The following IKZF3 variants were observed in gnomAD, a reference collection of about 807,000 sequenced individuals.
IKZF3 encodes zinc finger protein Aiolos.
IKZF3 carries 10 observed loss-of-function variants against 49.0 expected under a neutral mutation model. The ratio of observed to expected loss-of-function variants is 0.20; its 90% CI spans 0.13 to 0.35. IKZF3 has a LOEUF of 0.35. IKZF3 is among the 10% of genes least tolerant of loss of function. The pLI, the probability that IKZF3 is intolerant of heterozygous loss-of-function variation, is 1.00. For synonymous variants in IKZF3, 209 were observed against 228.2 expected, an observed-to-expected ratio of 0.92 and a Z score of 0.76; for missense variants, 498 against 664.8, an observed-to-expected ratio of 0.75 and a Z score of 2.76.
intron 3 of IKZF3, among the ~76,000 whole-genome samples, chr17:39,798,533 T>A (rs1382277989): frequency 7.0e-6 from 1 of 143,710 alleles, no homozygotes; most frequent in Non-Finnish European, 1.5e-5. Context: ...TGAGACGGAG[T>A]CTTTCTCTGT....
intron 6 of IKZF3, among the ~76,000 whole-genome samples, chr17:39,783,510 T>A (rs954507283): frequency 6.6e-6 from 1 of 152,128 alleles, no homozygotes; most frequent in Non-Finnish European, 1.5e-5. Context: ...TTAGTAGAGA[T>A]GGGGTTTCAC....
intron 6 of IKZF3, among the ~76,000 whole-genome samples, chr17:39,782,541 T>A (rs1390092928): frequency 6.6e-6 from 1 of 152,198 alleles, no homozygotes; most frequent in Non-Finnish European, 1.5e-5. Context: ...TGGCTTTTGG[T>A]CCTTTTCTCC....
chr17:39,853,291 G>A (rs2062935794), intron 1 of IKZF3, among the ~76,000 whole-genome samples: 1 of 152,112 alleles, frequency 6.6e-6, no homozygotes, highest in South Asian at 2.1e-4. Context: ...GTTTTAGAAC[G>A]AAGAATGAAG....
intron 1 of IKZF3, among the ~76,000 whole-genome samples, chr17:39,853,195 A>G (rs2062930639): frequency 6.6e-6 from 1 of 152,092 alleles, no homozygotes; most frequent in African/African-American, 2.4e-5. Context: ...ACCAAATTCC[A>G]TAAGGGCCAA....
At chr17:39,804,236 C>G (rs2061386489) in intron 3 of IKZF3, among the ~76,000 whole-genome samples, 1 of 152,078 alleles carries the variant, frequency 6.6e-6, no homozygotes, top group East Asian at 1.9e-4. Context: ...TATTTGAGGC[C>G]AGCAGTTCGA....
At chr17:39,850,255 T>C in intron 1 of IKZF3, among the ~76,000 whole-genome samples, 1 of 141,814 alleles carries the variant, frequency 7.1e-6, no homozygotes, top group South Asian at 2.1e-4. Flanking sequence ...ATACAATATA[T>C]AGCATATTAT....
At chr17:39,821,526 C>A (rs1054762002) in intron 3 of IKZF3, among the ~76,000 whole-genome samples, 1 of 152,132 alleles carries the variant, frequency 6.6e-6, no homozygotes, top group Non-Finnish European at 1.5e-5. Flanking sequence ...TCCTGGGGAG[C>A]TGGTTCACTG....
intron 7 of IKZF3, among the ~76,000 whole-genome samples, chr17:39,774,546 A>G (rs1360115541): frequency 6.6e-6 from 1 of 152,200 alleles, no homozygotes; most frequent in African/African-American, 2.4e-5. Context: ...CCCTCCGTTG[A>G]CATTACTATT....
chr17:39,849,310 G>GAA (rs34404658), intron 1 of IKZF3, among the ~76,000 whole-genome samples: 6 of 35,992 alleles, frequency 1.7e-4, no homozygotes, highest in African/African-American at 3.2e-4. Context: ...ATAGCACCTG[G>GAA]AAAAAAAAAA....
At chr17:39,785,103 T>C (rs2060841913) in intron 6 of IKZF3, among the ~76,000 whole-genome samples, 1 of 152,164 alleles carries the variant, frequency 6.6e-6, no homozygotes, top group Non-Finnish European at 1.5e-5. Flanking sequence ...TAGAACCCCA[T>C]GTCCACAATG....
chr17:39,798,661 A>G (rs2143962611), intron 3 of IKZF3, among the ~76,000 whole-genome samples: 1 of 152,100 alleles, frequency 6.6e-6, no homozygotes, highest in South Asian at 2.1e-4. Flanking sequence ...GCCCACCACC[A>G]TACCCAGCTA....
At chr17:39,818,572 C>T (rs993232266) in intron 3 of IKZF3, among the ~76,000 whole-genome samples, 2 of 152,088 alleles carry the variant, frequency 1.3e-5, no homozygotes, top group Non-Finnish European at 2.9e-5. Flanking sequence ...TAAAATTAGC[C>T]TACTCAGGCC....
chr17:39,759,328 A>G lies in IKZF3; in HGVS notation c.*6462T>C, dbSNP rs554899228. 6.6e-6 allele frequency: 1 copy of G among 152,042 alleles called. No individual in the cohort carries two copies. The highest frequency in any genetic ancestry group is 6.6e-5 in the Admixed American group (1 of 15,266). The allele number at this position is 152,042 out of a possible 1,614,324, so 9.4% of individuals were successfully genotyped here. A position where few individuals can be genotyped will look rare whatever the true frequency, so the allele number is the denominator to read the frequency against. ...CTAGTTGGGAGGCTAAGACGGGAGG[A>G]TGGCTCGTTGCTTGAGCCCAGGAGG... On this transcript the variant is annotated 3_prime_UTR_variant, in exon 8 of 8. Coordinates refer to ENST00000346872, the MANE Select transcript of IKZF3 (RefSeq NM_012481.5).
intron 1 of IKZF3, among the ~76,000 whole-genome samples, chr17:39,850,952 A>G (rs2062850817): frequency 7.1e-6 from 1 of 140,048 alleles, no homozygotes; most frequent in African/African-American, 2.6e-5. Flanking sequence ...TATATTATAT[A>G]CACGTATATT....
intron 1 of IKZF3, among the ~76,000 whole-genome samples, chr17:39,849,246 C>T (rs1036030503): frequency 1.4e-5 from 2 of 138,618 alleles, no homozygotes; most frequent in Non-Finnish European, 3.0e-5. Context: ...CCAGCCTGGC[C>T]AACATGCTAA....
intron 3 of IKZF3, among the ~76,000 whole-genome samples, chr17:39,795,309 C>T (rs563677514): frequency 1.3e-5 from 2 of 152,344 alleles, no homozygotes; most frequent in South Asian, 4.1e-4. Flanking sequence ...TTTGGGCTTA[C>T]ATAGTTGCTG....
At chr17:39,792,485 T>C (rs2061049953) in intron 4 of IKZF3, among the ~76,000 whole-genome samples, 188 bp downstream of exon 4, 1 of 152,324 alleles carries the variant, frequency 6.6e-6, no homozygotes. Flanking sequence ...ATTTGCAATA[T>C]GTTTGCCAAA....
At chr17:39,846,635 A>C (rs2062641734) in intron 1 of IKZF3, among the ~76,000 whole-genome samples, 1 of 151,994 alleles carries the variant, frequency 6.6e-6, no homozygotes, top group Admixed American at 6.6e-5. Flanking sequence ...TGCTTTACCT[A>C]TTAGTTCAAG....
chr17:39,766,005 C>T lies in IKZF3; in HGVS notation c.1315G>A (p.Val439Ile), dbSNP rs751143625. 6 of 1,614,220 alleles carry T rather than the reference C, an allele frequency of 3.7e-6. No individual in the cohort carries two copies. The highest frequency in any genetic ancestry group is 2.2e-5 in the South Asian group (2 of 91,088). The part of the protein sequence containing the change: ...KPPPICPRDS[V>I]KVINKEGEVM... ...TCCCCTTCCTTGTTGATCACTTTGACGGAGTCTCTTGGGCAGATGGGCGGG... is the reference window on the plus strand; with the variant it reads ...TCCCCTTCCTTGTTGATCACTTTGATGGAGTCTCTTGGGCAGATGGGCGGG... Residue 439 changes from valine to isoleucine, a missense_variant, in exon 8 of 8, where the codon GTC (valine) becomes ATC (isoleucine). This residue lies in a region of IKZF3 where 317 missense variants were observed against 397.3 expected (regional missense o/e 0.80). Coordinates refer to ENST00000346872, the MANE Select transcript of IKZF3 (RefSeq NM_012481.5).
Sources: gnomAD v4.1 joint callset for allele counts (sites outside exome capture counted in the v4.1 genomes callset) on GRCh38, gnomAD v4.1.1 for gene constraint, gnomAD v4.1.1 regional missense constraint, MANE v1.5 for transcripts, NCBI Gene and HGNC (gene_info 2026-07-23, HGNC 2026-07-21) for gene names.